ACLY: variants seen among roughly 807,000 people sequenced by gnomAD.
ACLY encodes the protein ATP-citrate synthase.
A neutral mutation model predicts 133.0 loss-of-function variants in ACLY; 41 were observed. The ratio of observed to expected loss-of-function variants is 0.31; its 90% CI spans 0.24 to 0.40. The LOEUF is 0.40. Among genes scored for constraint, ACLY ranks in the 10% least tolerant of loss-of-function variants. The pLI, the probability that ACLY is intolerant of heterozygous loss-of-function variation, is 1.00. For missense variants in ACLY, 1,046 were observed against 1,453.8 expected (o/e 0.72, Z 4.56); for synonymous variants, 495 against 549.3 (o/e 0.90, Z 1.38).
intron 2 of ACLY, 127 bp downstream of exon 2, chr17:41,913,588 G>A (rs1309951921): frequency 7.0e-6 from 7 of 1,004,830 alleles, no homozygotes; most frequent in South Asian, 1.5e-5. Context: ...CCCATGGCAT[G>A]CTTCCCACAG....
Position 41,905,158 on chromosome 17 carries a change from TCA to T in ACLY, c.1003+362_1003+363del, listed in dbSNP as rs545410570. On this transcript the variant is annotated intron_variant, in intron 9 of 28. Coordinates refer to ENST00000352035, the MANE Select transcript of ACLY (RefSeq NM_001096.3). ...ACAGGTGGTAAAGGGGCACTGAGAC[TCA>T]CAGAGGCCAGGTAATATAAGAGGGT... Among the ~76,000 whole-genome samples, 19 of 152,314 alleles carry T rather than the reference TCA, an allele frequency of 1.2e-4. 1 individual carries two copies. The South Asian group carries it at 3.9e-3, about 32-fold the overall frequency.
At chr17:41,895,624 T>A (rs1555630188) in intron 14 of ACLY, among the ~76,000 whole-genome samples, 1 of 152,196 alleles carries the variant, frequency 6.6e-6, no homozygotes, top group Non-Finnish European at 1.5e-5. Context: ...CCCCTCCTCA[T>A]AACCCTCCTC....
chr17:41,867,769 GATC>G lies in ACLY; in HGVS notation c.*38_*40del. 1 of 1,513,216 alleles carries G rather than the reference GATC, an allele frequency of 6.6e-7. No individual in the cohort carries two copies. The highest frequency in any genetic ancestry group is 9.1e-7 in the Non-Finnish European group (1 of 1,100,464). The allele number at this position is 1,513,216 out of a possible 1,614,324, so 93.7% of individuals were successfully genotyped here. A position where few individuals can be genotyped will look rare whatever the true frequency, so the allele number is the denominator to read the frequency against. Reference sequence around the variant, plus strand: ...CTGTACACTTTTTCTTGGGGGAAGAGATCTTGTCTTCAGTTTACTGCAGTAGGG... The same window carrying G: ...CTGTACACTTTTTCTTGGGGGAAGAGTTGTCTTCAGTTTACTGCAGTAGGG... On this transcript the variant is annotated 3_prime_UTR_variant, in exon 29 of 29. Coordinates refer to ENST00000352035, the MANE Select transcript of ACLY (RefSeq NM_001096.3).
At chr17:41,918,675 G>C (rs1283071331) in intron 1 of ACLY, among the ~76,000 whole-genome samples, 1 of 152,210 alleles carries the variant, frequency 6.6e-6, no homozygotes, top group Non-Finnish European at 1.5e-5. Context: ...GTGTCGCGCG[G>C]GGGGAGGGGA....
chr17:41,888,429 C>T (rs941127966), intron 16 of ACLY, among the ~76,000 whole-genome samples: 2 of 152,194 alleles, frequency 1.3e-5, no homozygotes, highest in Admixed American at 6.5e-5. Flanking sequence ...TGGGACCCTC[C>T]GAGTCTTGTC....
At chr17:41,875,999 G>A (rs1359425703) in intron 22 of ACLY, among the ~76,000 whole-genome samples, 2 of 150,566 alleles carry the variant, frequency 1.3e-5, no homozygotes, top group Non-Finnish European at 1.5e-5. Context: ...GAAGTGAGGA[G>A]CGCCTCTTCC....
At chr17:41,924,582 T>C (rs1277435655) in intron 1 of ACLY, among the ~76,000 whole-genome samples, 1 of 152,170 alleles carries the variant, frequency 6.6e-6, no homozygotes, top group Non-Finnish European at 1.5e-5. Flanking sequence ...CCAAGGATTC[T>C]AACTTCCGCA....
Position 41,869,493 on chromosome 17 carries a change from T to G in ACLY, c.3032A>C (p.Glu1011Ala). ...TPLLDYALEV[E>A]KITTSKKPNL... The stretch of plus-strand genomic sequence containing the variant: ...TGTTACCTTCGAGGTGGTAATCTTC[T>G]CTACTTCCAGTGCATAATCGAGCAG... The change falls in exon 26 of 29, where the codon GAG becomes GCG. Residue 1011 changes from glutamate to alanine, a missense_variant. Glu to Ala is a moderately radical substitution (Grantham distance 107). This residue lies in a region of ACLY where 205 missense variants were observed against 373.3 expected (regional missense o/e 0.55). Transcript: ENST00000352035. 1 of 1,613,938 alleles carries G rather than the reference T, an allele frequency of 6.2e-7. No homozygotes were observed. Among genetic ancestry groups the G allele is most frequent in the Non-Finnish European group, 8.5e-7 (1 of 1,179,908 alleles).
intron 2 of ACLY, among the ~76,000 whole-genome samples, chr17:41,912,743 T>C (rs1399395255): frequency 1.3e-5 from 2 of 152,196 alleles, no homozygotes; most frequent in Non-Finnish European, 2.9e-5. Flanking sequence ...ACCAGGTATC[T>C]AGAGGCATTT....
At chr17:41,923,767 G>C (rs1288312394), upstream of ACLY, among the ~76,000 whole-genome samples, 1 of 152,178 alleles carries the variant, frequency 6.6e-6, no homozygotes, top group Non-Finnish European at 1.5e-5. Flanking sequence ...GATGCAGCCT[G>C]GAGAAGGGTC....
In ACLY at chr17:41,912,456, C is replaced by T; in HGVS notation, c.246G>A (p.Lys82=). The T allele has an allele frequency of 3.1e-6, 5 of 1,614,232 alleles. No individual in the cohort carries two copies. The highest frequency in any genetic ancestry group is 2.2e-5 in the East Asian group (1 of 44,890). Residue 82 remains lysine (K), a synonymous_variant, in exon 3 of 29, where the codon AAG becomes AAA. Transcript: ENST00000352035. The stretch of plus-strand genomic sequence containing the variant: ...GTCCCAGCCGTGGCTTCAGCCAGGA[C>T]TTGACCCCATCCAGAGTGAGGTTGA... ...VGVNLTLDGV[K]SWLKPRLGQE... is the part of the protein sequence containing the mutation.
intron 1 of ACLY, among the ~76,000 whole-genome samples, chr17:41,914,653 C>T (rs368543667): frequency 3.8e-4 from 58 of 152,174 alleles, no homozygotes; most frequent in African/African-American, 1.4e-3. Context: ...CTGCGTCATC[C>T]AGCTGCTAAT....
upstream of ACLY, chr17:41,919,002 T>A (rs782309519): frequency 6.2e-6 from 8 of 1,285,694 alleles, no homozygotes; most frequent in Non-Finnish European, 8.1e-6. Flanking sequence ...GCCGGACTTT[T>A]CCCCGCCCCC....
chr17:41,885,969 G>C, intron 18 of ACLY, 143 bp downstream of exon 18: 1 of 797,338 alleles, frequency 1.3e-6, no homozygotes, highest in African/African-American at 1.7e-5. Context: ...GACAAGAGCA[G>C]TGATGCCCCA....
chr17:41,869,684 C>A (rs1451624027), intron 25 of ACLY, 97 bp from the exon 26 acceptor site: 1 of 1,025,092 alleles, frequency 9.8e-7, no homozygotes, highest in Non-Finnish European at 1.5e-6. Flanking sequence ...GGACATATCC[C>A]AGCGGCGATT....
intron 22 of ACLY, among the ~76,000 whole-genome samples, chr17:41,874,373 G>A (rs2048674927): frequency 6.6e-6 from 1 of 152,008 alleles, no homozygotes. Flanking sequence ...CTAGGCTCAA[G>A]CGATCTGCCC....
In ACLY at chr17:41,911,743, G is replaced by A. The variant is rs548083580; in HGVS notation, c.282+677C>T. ...AGGTGGGAGGATAACTTGAACCTGG[G>A]AAGTGGAGGCTGTAGTGAGATGTGA... On this transcript the variant is annotated intron_variant, in intron 3 of 28. Transcript: ENST00000352035. Among the ~76,000 whole-genome samples, 50 of 152,268 alleles carry A rather than the reference G, an allele frequency of 3.3e-4. No homozygotes were observed. The South Asian group carries it at 0.01, about 31-fold the overall frequency.
At chr17:41,915,528 T>A (rs2050028682) in intron 1 of ACLY, among the ~76,000 whole-genome samples, 1 of 152,136 alleles carries the variant, frequency 6.6e-6, no homozygotes, top group Non-Finnish European at 1.5e-5. Flanking sequence ...CTTGGCTGCC[T>A]CTGTCGGCCT....
intron 1 of ACLY, among the ~76,000 whole-genome samples, chr17:41,927,477 C>T (rs1377920094): frequency 4.6e-5 from 7 of 152,172 alleles, no homozygotes; most frequent in African/African-American, 1.4e-4. Context: ...TGAGCTACCA[C>T]ACCCGGCCAC....
Sources: gnomAD v4.1 joint callset for allele counts (sites outside exome capture counted in the v4.1 genomes callset) on GRCh38, gnomAD v4.1.1 for gene constraint, gnomAD v4.1.1 regional missense constraint, MANE v1.5 for transcripts, NCBI Gene and HGNC (gene_info 2026-07-23, HGNC 2026-07-21) for gene names.